Variants in MAGI2 observed in about 807,000 individuals in gnomAD.
The protein encoded by MAGI2 is membrane-associated guanylate kinase, WW and PDZ domain-containing protein 2.
MAGI2 carries 35 observed loss-of-function variants against 133.3 expected under a neutral mutation model. That is an observed-to-expected ratio of 0.26 (90% CI 0.20 to 0.35). MAGI2 has a LOEUF of 0.35. Ranked by LOEUF, MAGI2 falls within the 10% of genes least tolerant of loss-of-function variation. The pLI is 1.00. For missense variants in MAGI2, 1,636 were observed against 1,863.4 expected (o/e 0.88, Z 2.25); for synonymous variants, 729 against 710.6 (o/e 1.03, Z -0.41).
intron 2 of MAGI2, among the ~76,000 whole-genome samples, chr7:78,928,797 T>C (rs543102155): frequency 6.6e-6 from 1 of 152,156 alleles, no homozygotes; most frequent in Admixed American, 6.6e-5. Flanking sequence ...TTTATATTGA[T>C]AGGAAAATTC....
At chr7:79,119,186 A>T (rs1431711348) in intron 1 of MAGI2, among the ~76,000 whole-genome samples, 1 of 152,168 alleles carries the variant, frequency 6.6e-6, no homozygotes, top group Non-Finnish European at 1.5e-5. Context: ...AATAATTTGC[A>T]TAGTTAACCA....
intron 20 of MAGI2, among the ~76,000 whole-genome samples, chr7:78,113,688 G>T (rs1819580514): frequency 6.6e-6 from 1 of 152,106 alleles, no homozygotes; most frequent in African/African-American, 2.4e-5. Context: ...TTTTGTAAGT[G>T]TACTTCTTTG....
intron 9 of MAGI2, among the ~76,000 whole-genome samples, chr7:78,258,575 TA>T (rs1793225421): frequency 6.6e-6 from 1 of 152,168 alleles, no homozygotes; most frequent in African/African-American, 2.4e-5. Flanking sequence ...CATATACCTT[TA>T]TAATTTATAT....
At chr7:78,328,529 A>ACACACACACACACC (rs1408831333) in intron 9 of MAGI2, among the ~76,000 whole-genome samples, 82 of 99,864 alleles carry the variant, frequency 8.2e-4, no homozygotes, top group African/African-American at 1.9e-3. Context: ...ACACACACAC[A>ACACACACACACACC]CCCCTCTCTC....
At chr7:79,209,892 A>G (rs1829365085) in intron 1 of MAGI2, among the ~76,000 whole-genome samples, 1 of 152,014 alleles carries the variant, frequency 6.6e-6, no homozygotes, top group Admixed American at 6.6e-5. Flanking sequence ...CTGGTACCAC[A>G]TATAGAATAA....
At chr7:78,669,092 G>T (rs1814006336) in intron 2 of MAGI2, among the ~76,000 whole-genome samples, 1 of 152,068 alleles carries the variant, frequency 6.6e-6, no homozygotes, top group Admixed American at 6.5e-5. Flanking sequence ...GAAGCAAATA[G>T]AGACACAAAA....
At chr7:79,130,966 T>C (rs59227501) in intron 1 of MAGI2, among the ~76,000 whole-genome samples, 1 of 152,140 alleles carries the variant, frequency 6.6e-6, no homozygotes, top group African/African-American at 2.4e-5. Flanking sequence ...CATTCATTCA[T>C]TCATTCCAGA....
chr7:78,384,914 CA>C (rs1340705055), intron 6 of MAGI2, among the ~76,000 whole-genome samples: 1 of 152,114 alleles, frequency 6.6e-6, no homozygotes, highest in Non-Finnish European at 1.5e-5. Context: ...ATAAGATTAG[CA>C]AAGTCTATGA....
chr7:78,102,547 C>G (rs1193443070), intron 20 of MAGI2, among the ~76,000 whole-genome samples: 1 of 152,120 alleles, frequency 6.6e-6, no homozygotes, highest in Admixed American at 6.6e-5. Context: ...TTAAACTTCC[C>G]CCTTTCCCCC....
intron 1 of MAGI2, among the ~76,000 whole-genome samples, chr7:79,112,628 T>C (rs1584955408): frequency 2.0e-5 from 3 of 152,326 alleles, no homozygotes; most frequent in Admixed American, 2.0e-4. Context: ...TGTCACACAA[T>C]TTGCCCATAT....
rs79083804 is a variant in MAGI2 at position 78,777,093 on chromosome 7, A to T, written c.419-149854T>A. Among the ~76,000 whole-genome samples, 754 of 152,302 alleles carry T rather than the reference A, an allele frequency of 5.0e-3. 12 individuals are homozygous for T. Among genetic ancestry groups the T allele is most frequent in the African/African-American group, 0.017 (722 of 41,544 alleles). ...CAAAAGTGTACTGCTCTACTTGAAG[A>T]TAGTTATATGTGGGTGCATGTATAA... On this transcript the variant is annotated intron_variant, in intron 2 of 21. Transcript: ENST00000354212.
intron 2 of MAGI2, among the ~76,000 whole-genome samples, chr7:78,753,484 A>T (rs566987516): frequency 6.6e-6 from 1 of 152,292 alleles, no homozygotes; most frequent in Non-Finnish European, 1.5e-5. Context: ...AAGATATGAC[A>T]TATGGATCAC....
intron 1 of MAGI2, among the ~76,000 whole-genome samples, chr7:79,230,570 T>C (rs1416125972): frequency 1.3e-5 from 2 of 151,648 alleles, no homozygotes; most frequent in African/African-American, 4.8e-5. Flanking sequence ...TCATGTGTTT[T>C]TTGGCTGCAT....
chr7:78,517,361 G>C (rs1377297270), intron 4 of MAGI2, among the ~76,000 whole-genome samples: 1 of 152,040 alleles, frequency 6.6e-6, no homozygotes, highest in East Asian at 1.9e-4. Flanking sequence ...ATTTACTTTG[G>C]GGAGGTCAGA....
intron 9 of MAGI2, among the ~76,000 whole-genome samples, chr7:78,316,933 C>T (rs1372166179): frequency 1.3e-5 from 2 of 152,092 alleles, no homozygotes; most frequent in African/African-American, 2.4e-5. Context: ...ATTTTCCCTA[C>T]CCTTGCTTCA....
chr7:79,437,783 T>G (rs2129193314), intron 1 of MAGI2, among the ~76,000 whole-genome samples: 1 of 152,276 alleles, frequency 6.6e-6, no homozygotes, highest in African/African-American at 2.4e-5. Context: ...GATGGAATTT[T>G]TACTATTATT....
intron 2 of MAGI2, among the ~76,000 whole-genome samples, chr7:78,633,836 T>C (rs981927169): frequency 1.4e-4 from 22 of 152,288 alleles, no homozygotes; most frequent in Admixed American, 1.2e-3. Context: ...TATATGATTC[T>C]AGATAAAAAC....
chr7:78,625,459 A>T (rs1584887387), intron 3 of MAGI2, among the ~76,000 whole-genome samples: 1 of 152,144 alleles, frequency 6.6e-6, no homozygotes, highest in Non-Finnish European at 1.5e-5. Context: ...AAAGAGTCAA[A>T]AAGTTAAAAA....
chr7:78,772,089 CA>C (rs1228550791), intron 2 of MAGI2, among the ~76,000 whole-genome samples: 1 of 152,094 alleles, frequency 6.6e-6, no homozygotes, highest in Non-Finnish European at 1.5e-5. Context: ...ATTGAAGATA[CA>C]TTTATAGTCT....
Sources: gnomAD v4.1 joint callset for allele counts (sites outside exome capture counted in the v4.1 genomes callset) on GRCh38, gnomAD v4.1.1 for gene constraint, MANE v1.5 for transcripts, NCBI Gene and HGNC (gene_info 2026-07-23, HGNC 2026-07-21) for gene names.